Variants in PITPNA observed in about 807,000 individuals in gnomAD.
PITPNA encodes phosphatidylinositol transfer protein alpha, also known as phosphatidylinositol transfer protein alpha isoform.
In PITPNA, 13 loss-of-function variants were observed where a neutral mutation model predicts 50.3. That is an observed-to-expected ratio of 0.26 (90% CI 0.17 to 0.41). PITPNA has a LOEUF of 0.41. Ranked by LOEUF, PITPNA falls within the 10% of genes least tolerant of loss-of-function variation. The probability of loss-of-function intolerance (pLI) is 1.00; values close to 1 mark genes in which losing one functional copy is unlikely to be tolerated. For synonymous variants in PITPNA, 120 were observed against 119.6 expected (o/e 1.00, Z -0.02); for missense variants, 207 against 333.4 (o/e 0.62, Z 2.95).
intron 10 of PITPNA, among the ~76,000 whole-genome samples, chr17:1,527,374 G>C (rs751021018): frequency 2.0e-5 from 3 of 152,124 alleles, no homozygotes; most frequent in Non-Finnish European, 2.9e-5. Flanking sequence ...CTCCCGAGTA[G>C]CTGGGATTGC....
chr17:1,518,725 A>G lies in PITPNA; in HGVS notation c.*1836T>C, dbSNP rs892504290. On this transcript the variant is annotated 3_prime_UTR_variant, in exon 12 of 12. Coordinates refer to ENST00000313486, the MANE Select transcript of PITPNA (RefSeq NM_006224.4). Reference sequence around the variant, plus strand: ...AGAATGTCAGTTTGTTTCTTTCAAGATAACCCGCATCTGGACTTCCCCTAG... The same window carrying G: ...AGAATGTCAGTTTGTTTCTTTCAAGGTAACCCGCATCTGGACTTCCCCTAG... 2.0e-5 allele frequency: 3 copies of G among 152,254 alleles called. No homozygotes were observed. The highest frequency in any genetic ancestry group is 4.4e-5 in the Non-Finnish European group (3 of 68,040). The allele number at this position is 152,254 out of a possible 1,614,324, so 9.4% of individuals were successfully genotyped here.
chr17:1,529,260 T>C (rs1245495182), intron 10 of PITPNA, among the ~76,000 whole-genome samples: 2 of 148,514 alleles, frequency 1.3e-5, no homozygotes, highest in Non-Finnish European at 3.0e-5. Flanking sequence ...TGGTGGCTCA[T>C]GCCTGTAATC....
chr17:1,559,478 G>A (rs1355455326), intron 1 of PITPNA: 1 of 152,280 alleles, frequency 6.6e-6, no homozygotes, highest in African/African-American at 2.4e-5. Flanking sequence ...TGTGAGGCGG[G>A]AGAGCTAAGA....
chr17:1,536,524 C>T (rs909655141), intron 7 of PITPNA, among the ~76,000 whole-genome samples: 15 of 152,112 alleles, frequency 9.9e-5, no homozygotes, highest in Non-Finnish European at 1.3e-4. Context: ...CTCCTGACCT[C>T]GTGATCCGCC....
chr17:1,525,020 C>T (rs1414731977), intron 10 of PITPNA, among the ~76,000 whole-genome samples: 1 of 151,758 alleles, frequency 6.6e-6, no homozygotes, highest in Non-Finnish European at 1.5e-5. Context: ...GACAGAGTCT[C>T]GCTCTGTCAC....
chr17:1,557,717 C>T (rs1278571175), intron 2 of PITPNA, among the ~76,000 whole-genome samples: 3 of 152,170 alleles, frequency 2.0e-5, no homozygotes, highest in Non-Finnish European at 2.9e-5. Flanking sequence ...ACCCAGGAAC[C>T]GTAAAAGGAC....
intron 1 of PITPNA, chr17:1,561,269 GT>G (rs2075766606): frequency 6.6e-6 from 1 of 152,112 alleles, no homozygotes. Flanking sequence ...ATCTCCACCT[GT>G]CCCCCAGTCC....
At chr17:1,524,679 C>G (rs60816231) in intron 10 of PITPNA, among the ~76,000 whole-genome samples, 1 of 151,908 alleles carries the variant, frequency 6.6e-6, no homozygotes, top group Admixed American at 6.6e-5. Flanking sequence ...AACCCCATCT[C>G]TACTAAAAAT....
chr17:1,544,613 G>A (rs1000226387), intron 4 of PITPNA, among the ~76,000 whole-genome samples: 1 of 152,242 alleles, frequency 6.6e-6, no homozygotes, highest in Non-Finnish European at 1.5e-5. Context: ...GGAGAGCAGA[G>A]ATTTCCAAAT....
At chr17:1,545,509 G>A (rs1281094208) in intron 4 of PITPNA, among the ~76,000 whole-genome samples, 1 of 152,172 alleles carries the variant, frequency 6.6e-6, no homozygotes, top group African/African-American at 2.4e-5. Flanking sequence ...GTGTGAAGGT[G>A]TATCCTGAAT....
At position 1,562,531 on chromosome 17, in the gene PITPNA, G is replaced by C; in HGVS notation, c.20+10C>G. ...TCCTCCCCGCTTCCGCACGGCCGCC[G>C]GACACTCACTACTCCTTGAGCAGCA... On this transcript the variant is annotated intron_variant, in intron 1 of 11. Coordinates refer to ENST00000313486, the MANE Select transcript of PITPNA (RefSeq NM_006224.4). The surrounding 1 kb of genome is among the most constrained non-coding windows in gnomAD (Gnocchi z 6.4). 2.1e-6 allele frequency: 3 copies of C among 1,416,154 alleles called. No homozygotes were observed. In the Admixed American group the frequency reaches 6.9e-5, roughly 33 times the overall value. 87.7% of individuals were successfully genotyped at this position (1,416,154 alleles called of 1,614,324 possible). A position where few individuals can be genotyped will look rare whatever the true frequency, so the allele number is the denominator to read the frequency against.
intron 10 of PITPNA, among the ~76,000 whole-genome samples, chr17:1,529,161 G>GAGAGAGAC (rs1461388590): frequency 1.4e-5 from 2 of 142,218 alleles, no homozygotes; most frequent in African/African-American, 5.2e-5. Flanking sequence ...AAAAAAGAGA[G>GAGAGAGAC]AGAGAGACTC....
chr17:1,557,066 C>T (rs1204038707), intron 2 of PITPNA, among the ~76,000 whole-genome samples: 1 of 152,202 alleles, frequency 6.6e-6, no homozygotes, highest in Non-Finnish European at 1.5e-5. Flanking sequence ...TCCCCAGTGC[C>T]TACAGGGATT....
In PITPNA at chr17:1,562,407, G is replaced by C. The variant is rs1031712796; in HGVS notation, c.20+134C>G. 1.5e-6 allele frequency: 1 copy of C among 650,820 alleles called. No individual in the cohort carries two copies. Among genetic ancestry groups the C allele is most frequent in the Admixed American group, 4.3e-5 (1 of 23,464 alleles). The allele number at this position is 650,820 out of a possible 1,614,324, so 40.3% of individuals were successfully genotyped here. On this transcript the variant is annotated intron_variant, in intron 1 of 11. Transcript: ENST00000313486. The surrounding 1 kb of genome is among the most constrained non-coding windows in gnomAD (Gnocchi z 6.4). ...CCCCGGATCCCCTCCATCCCCGCTG[G>C]GCCCGCCTCAGGCACCCTCCGTCCC... is the stretch of plus-strand genomic sequence containing the variant.
At chr17:1,546,489 G>A (rs998660580) in intron 4 of PITPNA, among the ~76,000 whole-genome samples, 3 of 152,140 alleles carry the variant, frequency 2.0e-5, no homozygotes, top group Admixed American at 1.3e-4. Flanking sequence ...GGTGATATGC[G>A]TCACGTAAGG....
chr17:1,542,525 CAG>C (rs2151009177), intron 5 of PITPNA, among the ~76,000 whole-genome samples: 1 of 152,300 alleles, frequency 6.6e-6, no homozygotes, highest in South Asian at 2.1e-4. Context: ...ACCAGTTTCC[CAG>C]AGACAGCCAG....
intron 10 of PITPNA, among the ~76,000 whole-genome samples, chr17:1,522,071 C>CTTTTCTTTT (rs751204255): frequency 9.2e-5 from 13 of 141,606 alleles, no homozygotes; most frequent in Admixed American, 1.4e-4. Flanking sequence ...TATGAAACAT[C>CTTTTCTTTT]TTTTTTTTTT....
At chr17:1,542,125 A>G (rs907655888) in intron 5 of PITPNA, among the ~76,000 whole-genome samples, 1 of 151,924 alleles carries the variant, frequency 6.6e-6, no homozygotes, top group African/African-American at 2.4e-5. Flanking sequence ...GCCTGAACCC[A>G]GGAGGCAGAA....
intron 4 of PITPNA, among the ~76,000 whole-genome samples, chr17:1,547,246 G>C (rs940557884): frequency 6.6e-6 from 1 of 150,652 alleles, no homozygotes; most frequent in African/African-American, 2.4e-5. Context: ...TATGCCTATA[G>C]TCCCAGGTAT....
Sources: allele counts gnomAD v4.1 joint callset (sites outside exome capture counted in the v4.1 genomes callset), GRCh38; gene constraint gnomAD v4.1.1; non-coding constraint Gnocchi (gnomAD v3.1); transcripts MANE v1.5; gene names NCBI Gene and HGNC (gene_info 2026-07-23, HGNC 2026-07-21).